Variants in DCAF6 observed in about 807,000 individuals in gnomAD.
DCAF6 encodes DDB1- and CUL4-associated factor 6.
A neutral mutation model predicts 125.1 loss-of-function variants in DCAF6; 54 were observed. That is an observed-to-expected ratio of 0.43 (90% confidence interval 0.35 to 0.54). DCAF6 has a LOEUF of 0.54. DCAF6 is among the 20% of genes least tolerant of loss of function. The probability of loss-of-function intolerance (pLI) is 0.01; values close to 1 mark genes in which losing one functional copy is unlikely to be tolerated. For synonymous variants in DCAF6, 371 were observed against 390.4 expected (o/e 0.95, Z 0.58); for missense variants, 934 against 1,161.7 (o/e 0.80, Z 2.85).
intron 1 of DCAF6, among the ~76,000 whole-genome samples, chr1:167,949,768 C>T (rs937545570): frequency 1.3e-5 from 2 of 152,174 alleles, no homozygotes; most frequent in East Asian, 1.9e-4. Context: ...CTTTTAATAG[C>T]ATTCAGATGT....
the DCAF6 span, among the ~76,000 whole-genome samples, chr1:167,887,631 A>G: frequency 4.6e-5 from 7 of 152,192 alleles, no homozygotes; most frequent in Non-Finnish European, 8.8e-5. Flanking sequence ...CCAACATGGG[A>G]CATGTATACA....
intron 2 of DCAF6, among the ~76,000 whole-genome samples, chr1:167,955,210 C>T (rs1473272754): frequency 6.6e-6 from 1 of 152,154 alleles, no homozygotes; most frequent in African/African-American, 2.4e-5. Flanking sequence ...CAGTTGAGGA[C>T]TATTACAAAT....
chr1:167,991,246 A>G lies in DCAF6; in HGVS notation c.595A>G (p.Ile199Val), dbSNP rs1439790649. 11 of 1,612,856 alleles carry G rather than the reference A, an allele frequency of 6.8e-6. No individual in the cohort carries two copies. The highest frequency in any genetic ancestry group is 4.5e-5 in the East Asian group (2 of 44,838). Residue 199 changes from isoleucine to valine, a missense_variant, in exon 6 of 22, where the codon ATT (isoleucine) becomes GTT (valine). Coordinates refer to ENST00000367840, the MANE Select transcript of DCAF6 (RefSeq NM_001198956.2). ...TCGACGTGCTGCCACGTCTGTTGCT[A>G]TTTGCCCACCAATACCATATTACCT... is the stretch of plus-strand genomic sequence containing the variant. ...NCRRAATSVA[I>V]CPPIPYYLAV...
intron 1 of DCAF6, 90 bp from the exon 2 acceptor site, chr1:167,951,710 T>G: frequency 4.9e-6 from 4 of 823,722 alleles, no homozygotes; most frequent in Non-Finnish European, 8.0e-6. Flanking sequence ...GAATTTACTT[T>G]TCATGCCAGA....
intron 12 of DCAF6, among the ~76,000 whole-genome samples, chr1:168,031,046 G>A (rs1213484954): frequency 2.0e-5 from 3 of 152,186 alleles, no homozygotes; most frequent in Non-Finnish European, 4.4e-5. Context: ...TACCCAAGTT[G>A]AAAATCGGTT....
At chr1:167,912,986 G>A in the DCAF6 span, among the ~76,000 whole-genome samples, 1 of 152,162 alleles carries the variant, frequency 6.6e-6, no homozygotes, top group Non-Finnish European at 1.5e-5. Flanking sequence ...TATCCCATTT[G>A]TATACGCTTT....
At chr1:167,919,620 A>T in the DCAF6 span, among the ~76,000 whole-genome samples, 272 of 152,332 alleles carry the variant, frequency 1.8e-3, no homozygotes, top group African/African-American at 6.3e-3. Flanking sequence ...AGGTTTACAT[A>T]AGAAATTAAT....
intron 11 of DCAF6, among the ~76,000 whole-genome samples, chr1:168,018,786 T>C (rs553337615): frequency 6.6e-6 from 1 of 152,318 alleles, no homozygotes; most frequent in South Asian, 2.1e-4. Flanking sequence ...CAATTTTTTT[T>C]AACCAAAAAG....
At position 168,075,487 on chromosome 1, in the gene DCAF6, T is replaced by G; in HGVS notation, c.*52T>G. 1 of 1,481,172 alleles carries G rather than the reference T, an allele frequency of 6.8e-7. No individual in the cohort carries two copies. Among genetic ancestry groups the G allele is most frequent in the South Asian group, 1.3e-5 (1 of 74,870 alleles). 91.8% of individuals were successfully genotyped at this position (1,481,172 alleles called of 1,614,324 possible). ...TGTTCTGAAATTTGTATAAGACATT[T>G]ATTATATTTTTTTCTTTACAGAGCT... On this transcript the variant is annotated 3_prime_UTR_variant, in exon 22 of 22. Coordinates refer to ENST00000367840, the MANE Select transcript of DCAF6 (RefSeq NM_001198956.2).
chr1:167,893,076 G>A, the DCAF6 span, among the ~76,000 whole-genome samples: 1 of 152,190 alleles, frequency 6.6e-6, no homozygotes. Flanking sequence ...ATAAATTTGA[G>A]AGAACCAAGA....
chr1:167,936,189 A>C, upstream of DCAF6: 1 of 272,410 alleles, frequency 3.7e-6, no homozygotes, highest in Non-Finnish European at 7.1e-6. Flanking sequence ...GCTGCCCGCC[A>C]TGATTGGCCC....
chr1:167,887,779 A>C, the DCAF6 span, among the ~76,000 whole-genome samples: 360 of 138,198 alleles, frequency 2.6e-3, 4 homozygotes, highest in African/African-American at 0.01. Flanking sequence ...AAATAATTCT[A>C]AAAAAAAAAA....
At chr1:167,918,547 T>C in the DCAF6 span, among the ~76,000 whole-genome samples, 6 of 151,780 alleles carry the variant, frequency 4.0e-5, no homozygotes, top group South Asian at 6.2e-4. Flanking sequence ...AAGAGTTCAT[T>C]TGCATCTGGA....
At position 167,938,407 on chromosome 1, in the gene DCAF6, G is replaced by C. The variant is rs370404308; in HGVS notation, c.97+1399G>C. Among the ~76,000 whole-genome samples the C allele has an allele frequency of 7.2e-5, 11 of 152,246 alleles. No individual in the cohort carries two copies. The East Asian group carries it at 1.2e-3, about 16-fold the overall frequency. On this transcript the variant is annotated intron_variant, in intron 1 of 21. Coordinates refer to ENST00000367840, the MANE Select transcript of DCAF6 (RefSeq NM_001198956.2). The stretch of plus-strand genomic sequence containing the variant: ...TGTCTTTTAAATTATTACATAGTAG[G>C]TAACATTATGAAGTACCATAGGGTA...
intron 2 of DCAF6, among the ~76,000 whole-genome samples, chr1:167,961,212 C>A (rs1215211505): frequency 6.6e-6 from 1 of 152,082 alleles, no homozygotes; most frequent in African/African-American, 2.4e-5. Context: ...TTGCTACAAT[C>A]ACTTATTAGT....
chr1:167,893,831 G>C, the DCAF6 span: 1 of 1,570,348 alleles, frequency 6.4e-7, no homozygotes, highest in Non-Finnish European at 8.8e-7. Context: ...CCCAAAGCCA[G>C]TAAATTCAAT....
At chr1:167,878,510 TCTTTGGAAGCTCTTTAAAAAAGTACG>T in the DCAF6 span, 1 of 1,614,024 alleles carries the variant, frequency 6.2e-7, no homozygotes, top group African/African-American at 1.3e-5. Context: ...TTCATAACTT[TCTTTGGAAGCTCTTTAAAAAAGTACG>T]CTGGTAGGTT....
In DCAF6 at chr1:168,068,471, C is replaced by T. The variant is rs773493459; in HGVS notation, c.2791+8C>T. 7.0e-7 allele frequency: 1 copy of T among 1,426,290 alleles called. No homozygotes were observed. The highest frequency in any genetic ancestry group is 2.4e-5 in the Admixed American group (1 of 41,464). The allele number at this position is 1,426,290 out of a possible 1,614,324, so 88.4% of individuals were successfully genotyped here. A position where few individuals can be genotyped will look rare whatever the true frequency, so the allele number is the denominator to read the frequency against. ...TTAATCATATCCGAGCTGGTAGGAA[C>T]TTTAAGTATACTACTAAAACCATTT... On this transcript the variant is annotated splice_region_variant and intron_variant, in intron 21 of 21. Transcript: ENST00000367840.
chr1:167,915,526 C>T, the DCAF6 span, among the ~76,000 whole-genome samples: 1 of 152,226 alleles, frequency 6.6e-6, no homozygotes, highest in Non-Finnish European at 1.5e-5. Flanking sequence ...TCTCAGCTCA[C>T]TGCAACCTCC....
Sources: gnomAD v4.1 joint callset for allele counts (sites outside exome capture counted in the v4.1 genomes callset) on GRCh38, gnomAD v4.1.1 for gene constraint, MANE v1.5 for transcripts, NCBI Gene and HGNC (gene_info 2026-07-23, HGNC 2026-07-21) for gene names.